The following SKIC3 variants were observed in gnomAD, a reference collection of about 807,000 sequenced individuals.
SKIC3 encodes the protein superkiller complex protein 3.
At chr5:95,486,053 C>T in the SKIC3 span, among the ~76,000 whole-genome samples, 4 of 152,170 alleles carry the variant, frequency 2.6e-5, no homozygotes, top group Non-Finnish European at 5.9e-5. Context: ...CCCTTGCAGG[C>T]CCTAAAACTA....
chr5:95,551,214 A>T, the SKIC3 span, among the ~76,000 whole-genome samples: 1 of 152,188 alleles, frequency 6.6e-6, no homozygotes, highest in African/African-American at 2.4e-5. Context: ...ACAACTACAC[A>T]TCTACAAATT....
the SKIC3 span, among the ~76,000 whole-genome samples, chr5:95,477,112 T>C: frequency 6.6e-6 from 1 of 152,200 alleles, no homozygotes; most frequent in Non-Finnish European, 1.5e-5. Flanking sequence ...GCAGCTTCTG[T>C]GGCTCACCAG....
At chr5:95,537,147 A>G in the SKIC3 span, 1 of 1,610,570 alleles carries the variant, frequency 6.2e-7, no homozygotes, top group Non-Finnish European at 8.5e-7. Flanking sequence ...AAAAGCTGAA[A>G]CAAATAAAAA....
the SKIC3 span, among the ~76,000 whole-genome samples, chr5:95,481,137 T>TAC: frequency 3.3e-5 from 5 of 152,100 alleles, no homozygotes; most frequent in East Asian, 1.9e-4. Flanking sequence ...AACACACACA[T>TAC]ACACACACAC....
At chr5:95,485,060 T>G in the SKIC3 span, among the ~76,000 whole-genome samples, 3 of 152,276 alleles carry the variant, frequency 2.0e-5, no homozygotes, top group East Asian at 3.9e-4. Context: ...ACTCAAAGCC[T>G]CATATAATTG....
chr5:95,515,592 A>G, the SKIC3 span, among the ~76,000 whole-genome samples: 1 of 152,166 alleles, frequency 6.6e-6, no homozygotes, highest in Non-Finnish European at 1.5e-5. Context: ...AACCACATCC[A>G]TAGCTTATTA....
the SKIC3 span, among the ~76,000 whole-genome samples, chr5:95,488,283 A>G: frequency 1.3e-5 from 2 of 152,346 alleles, no homozygotes; most frequent in African/African-American, 4.8e-5. Flanking sequence ...AGATGAAAAT[A>G]TCCCAATTCT....
chr5:95,519,865 A>G, the SKIC3 span, among the ~76,000 whole-genome samples: 1 of 152,058 alleles, frequency 6.6e-6, no homozygotes, highest in Non-Finnish European at 1.5e-5. Context: ...AGCAGTTCAA[A>G]TAAAGCATGC....
chr5:95,552,380 A>G, the SKIC3 span, among the ~76,000 whole-genome samples: 8 of 152,232 alleles, frequency 5.3e-5, no homozygotes, highest in African/African-American at 1.9e-4. Flanking sequence ...ACATAATTCA[A>G]TTATGTCTCC....
the SKIC3 span, among the ~76,000 whole-genome samples, chr5:95,545,790 C>T: frequency 6.6e-6 from 1 of 152,160 alleles, no homozygotes; most frequent in African/African-American, 2.4e-5. Flanking sequence ...ATTCCCCTTT[C>T]CTTCAGTGAA....
chr5:95,522,274 G>A, the SKIC3 span: 3 of 1,613,588 alleles, frequency 1.9e-6, no homozygotes, highest in Non-Finnish European at 1.7e-6. Context: ...AACAATTGAA[G>A]TCCTTTGGGT....
At chr5:95,494,637 A>AG in the SKIC3 span, 3 of 1,572,470 alleles carry the variant, frequency 1.9e-6, no homozygotes, top group Non-Finnish European at 2.6e-6. Flanking sequence ...ATATGTATTT[A>AG]GAAAAAAAAA....
chr5:95,471,656 G>T, the SKIC3 span, among the ~76,000 whole-genome samples: 2 of 152,150 alleles, frequency 1.3e-5, no homozygotes, highest in African/African-American at 4.8e-5. Context: ...GCAGTAGCAG[G>T]TGGCTGGTTC....
At chr5:95,510,110 T>C in the SKIC3 span, among the ~76,000 whole-genome samples, 14 of 152,216 alleles carry the variant, frequency 9.2e-5, no homozygotes, top group Non-Finnish European at 2.1e-4. Context: ...AAAGTCAGTA[T>C]TGTACACTAG....
the SKIC3 span, among the ~76,000 whole-genome samples, chr5:95,475,318 T>C: frequency 6.6e-6 from 1 of 152,110 alleles, no homozygotes; most frequent in African/African-American, 2.4e-5. Context: ...TGGGAGGTGA[T>C]TGGATCATGC....
At chr5:95,547,206 T>C in the SKIC3 span, 1 of 1,530,664 alleles carries the variant, frequency 6.5e-7, no homozygotes, top group Admixed American at 1.7e-5. Flanking sequence ...CAATCGTAAA[T>C]GTTCCAACAA....
At chr5:95,492,652 G>GAAA in the SKIC3 span, among the ~76,000 whole-genome samples, 6 of 48,842 alleles carry the variant, frequency 1.2e-4, no homozygotes, top group Non-Finnish European at 1.9e-4. Flanking sequence ...AAAAAAAAAA[G>GAAA]AAAAAAAAAA....
chr5:95,487,340 C>T, the SKIC3 span, among the ~76,000 whole-genome samples: 1 of 152,126 alleles, frequency 6.6e-6, no homozygotes, highest in Non-Finnish European at 1.5e-5. Flanking sequence ...TCTAGGAGAA[C>T]CCTAATACAC....
the SKIC3 span, chr5:95,503,898 A>G: frequency 6.2e-7 from 1 of 1,614,050 alleles, no homozygotes; most frequent in Non-Finnish European, 8.5e-7. Context: ...AGGGGTGTTG[A>G]CTTAAAAGCC....
Sources: allele counts gnomAD v4.1 joint callset (sites outside exome capture counted in the v4.1 genomes callset), GRCh38; gene constraint gnomAD v4.1.1; transcripts MANE v1.5; gene names NCBI Gene and HGNC (gene_info 2026-07-23, HGNC 2026-07-21).